Variants in CACNA2D3 observed in about 807,000 individuals in gnomAD.
The protein encoded by CACNA2D3 is voltage-dependent calcium channel subunit alpha-2/delta-3.
CACNA2D3 carries 60 observed loss-of-function variants against 160.6 expected under a neutral mutation model. The ratio of observed to expected loss-of-function variants is 0.37; its 90% confidence interval spans 0.30 to 0.46. The LOEUF is 0.46. Among genes scored for constraint, CACNA2D3 ranks in the 20% least tolerant of loss-of-function variants. The pLI is 1.00. For synonymous variants in CACNA2D3, 558 were observed against 492.9 expected (o/e 1.13, Z -1.75); for missense variants, 1,205 against 1,365.0 (o/e 0.88, Z 1.85).
chr3:54,727,784 A>G (rs566933680), intron 11 of CACNA2D3, among the ~76,000 whole-genome samples: 2 of 152,302 alleles, frequency 1.3e-5, no homozygotes, highest in South Asian at 4.2e-4. Flanking sequence ...GGAAGGGATA[A>G]CATTAGGAGA....
chr3:54,983,839 C>G (rs545553847), intron 29 of CACNA2D3, among the ~76,000 whole-genome samples: 1 of 152,294 alleles, frequency 6.6e-6, no homozygotes, highest in East Asian at 1.9e-4. Flanking sequence ...TGAGTTACAT[C>G]AAGGACGGAA....
chr3:54,758,409 A>G (rs1702015767), intron 12 of CACNA2D3, among the ~76,000 whole-genome samples: 1 of 152,128 alleles, frequency 6.6e-6, no homozygotes, highest in Non-Finnish European at 1.5e-5. Flanking sequence ...CACCAAGACC[A>G]TTGGGCTCCC....
At chr3:54,676,197 A>G (rs1700239963) in intron 11 of CACNA2D3, among the ~76,000 whole-genome samples, 1 of 152,120 alleles carries the variant, frequency 6.6e-6, no homozygotes, top group East Asian at 1.9e-4. Flanking sequence ...GCCCTCAATA[A>G]ATCTTAGCCC....
intron 11 of CACNA2D3, among the ~76,000 whole-genome samples, chr3:54,694,337 C>T (rs1321138117): frequency 1.3e-5 from 2 of 152,194 alleles, no homozygotes; most frequent in Non-Finnish European, 1.5e-5. Flanking sequence ...TGTACACACT[C>T]TAGGTGTGTG....
chr3:54,975,596 C>T (rs1220810852), intron 29 of CACNA2D3, among the ~76,000 whole-genome samples: 1 of 151,290 alleles, frequency 6.6e-6, no homozygotes, highest in Non-Finnish European at 1.5e-5. Context: ...TGTTGTCCTT[C>T]AGGATCCCTG....
intron 31 of CACNA2D3, among the ~76,000 whole-genome samples, chr3:55,001,817 T>C (rs1702984697): frequency 6.6e-6 from 1 of 152,194 alleles, no homozygotes; most frequent in Admixed American, 6.5e-5. Context: ...AATTGTTTAA[T>C]AAGTCAGGAA....
rs577630981 is a variant in CACNA2D3, at chr3:54,234,984, C to A, written c.205-85458C>A. ...GACACATGTTTACCTGTGTAACAAA[C>A]CTTCACATGTACCCCTAAACCTAAA... is the stretch of plus-strand genomic sequence containing the variant. On this transcript the variant is annotated intron_variant, in intron 2 of 37. Coordinates refer to ENST00000474759, the MANE Select transcript of CACNA2D3 (RefSeq NM_018398.3). 2.6e-5 allele frequency among the ~76,000 whole-genome samples: 4 copies of A among 152,074 alleles called. No homozygotes were observed. The South Asian group carries it at 8.4e-4, about 32-fold the overall frequency.
In CACNA2D3 at chr3:54,776,610, A is replaced by G. The variant is rs1336597161; in HGVS notation, c.1380+12259A>G. 2.0e-5 allele frequency among the ~76,000 whole-genome samples: 3 copies of G among 152,350 alleles called. No individual in the cohort carries two copies. The East Asian group carries it at 5.8e-4, about 29-fold the overall frequency. On this transcript the variant is annotated intron_variant, in intron 13 of 37. Coordinates refer to ENST00000474759, the MANE Select transcript of CACNA2D3 (RefSeq NM_018398.3). ...GAGGCCTGGATAGGAGGAAATGCCTAGAGTCTGAAGGAGTTGGCATTTCTA... is the reference window on the plus strand; with the variant it reads ...GAGGCCTGGATAGGAGGAAATGCCTGGAGTCTGAAGGAGTTGGCATTTCTA...
At chr3:54,856,729 C>G (rs1699179714) in intron 17 of CACNA2D3, among the ~76,000 whole-genome samples, 1 of 152,124 alleles carries the variant, frequency 6.6e-6, no homozygotes, top group Admixed American at 6.5e-5. Flanking sequence ...AGGTACCTGC[C>G]TTAGTTAGAT....
chr3:54,240,638 C>T lies in CACNA2D3; in HGVS notation c.205-79804C>T, dbSNP rs368882603. Among the ~76,000 whole-genome samples, 5 of 152,252 alleles carry T rather than the reference C, an allele frequency of 3.3e-5. No individual in the cohort carries two copies. In the East Asian group the frequency reaches 7.7e-4, roughly 23 times the overall value. On this transcript the variant is annotated intron_variant, in intron 2 of 37. Transcript: ENST00000474759. ...CTGTTTTATGGTTCATGATGTGATT[C>T]CCCAAATTGATTTCAGGCTCTTAAT...
intron 2 of CACNA2D3, among the ~76,000 whole-genome samples, chr3:54,167,474 T>A (rs1396857574): frequency 6.6e-6 from 1 of 152,176 alleles, no homozygotes; most frequent in Non-Finnish European, 1.5e-5. Flanking sequence ...TGGGGATTTG[T>A]AATGACTAAG....
At chr3:54,871,209 A>G (rs1699523249) in intron 17 of CACNA2D3, among the ~76,000 whole-genome samples, 2 of 116,744 alleles carry the variant, frequency 1.7e-5, no homozygotes, top group African/African-American at 3.3e-5. Flanking sequence ...ACACACACAC[A>G]CACACACACA....
rs563760953 is a variant in CACNA2D3 at position 54,383,332 on chromosome 3, C to A, written c.322-3383C>A. 5.3e-5 allele frequency among the ~76,000 whole-genome samples: 8 copies of A among 152,300 alleles called. No individual in the cohort carries two copies. The East Asian group carries it at 1.5e-3, about 29-fold the overall frequency. The stretch of plus-strand genomic sequence containing the variant: ...TGAGCCTGTTTTGGGAGGGCATCTT[C>A]TGAGTTCTCTCAGAAAATGTAGGCC... On this transcript the variant is annotated intron_variant, in intron 3 of 37. Transcript: ENST00000474759.
At chr3:54,750,184 A>T (rs564203970) in intron 11 of CACNA2D3, among the ~76,000 whole-genome samples, 49 of 152,346 alleles carry the variant, frequency 3.2e-4, no homozygotes, top group Admixed American at 9.2e-4. Context: ...AACTCAGTTT[A>T]TATGAAGGCT....
chr3:54,590,521 G>C (rs1428709510), intron 9 of CACNA2D3, among the ~76,000 whole-genome samples: 1 of 152,144 alleles, frequency 6.6e-6, no homozygotes, highest in Non-Finnish European at 1.5e-5. Flanking sequence ...ATCAATGTCA[G>C]TATCCCTTGT....
chr3:54,250,194 G>A (rs962281345), intron 2 of CACNA2D3, among the ~76,000 whole-genome samples: 4 of 152,036 alleles, frequency 2.6e-5, no homozygotes, highest in Admixed American at 6.6e-5. Flanking sequence ...CTGATTTTGT[G>A]GTCAGTGGTG....
chr3:54,218,234 A>C (rs1417820384), intron 2 of CACNA2D3, among the ~76,000 whole-genome samples: 1 of 152,068 alleles, frequency 6.6e-6, no homozygotes, highest in Non-Finnish European at 1.5e-5. Flanking sequence ...GTCACACCCC[A>C]GGGGCTGGAC....
intron 13 of CACNA2D3, among the ~76,000 whole-genome samples, chr3:54,766,786 TAGAG>T (rs1702233161): frequency 6.6e-6 from 1 of 152,188 alleles, no homozygotes; most frequent in African/African-American, 2.4e-5. Context: ...CATTAGTTGA[TAGAG>T]AGTGATTTAC....
chr3:54,905,414 A>C (rs1427213816), intron 27 of CACNA2D3, among the ~76,000 whole-genome samples: 2 of 152,196 alleles, frequency 1.3e-5, no homozygotes, highest in African/African-American at 2.4e-5. Context: ...AATGCTGGCA[A>C]AATGTTCTAG....
Sources: gnomAD v4.1 joint callset for allele counts (sites outside exome capture counted in the v4.1 genomes callset) on GRCh38, gnomAD v4.1.1 for gene constraint, MANE v1.5 for transcripts, NCBI Gene and HGNC (gene_info 2026-07-23, HGNC 2026-07-21) for gene names.